Variants in DNAH5 observed in about 807,000 individuals in gnomAD.
DNAH5 encodes the protein dynein axonemal heavy chain 5.
DNAH5 carries 372 observed loss-of-function variants against 518.2 expected under a neutral mutation model. That is an observed-to-expected ratio of 0.72 (90% CI 0.66 to 0.78). The LOEUF is 0.78. Ranked by LOEUF, DNAH5 falls within the 30% of genes least tolerant of loss-of-function variation. DNAH5 has a pLI of 0.00. For synonymous variants in DNAH5, 2,039 were observed against 2,025.9 expected (o/e 1.01, Z -0.17); for missense variants, 5,523 against 5,687.0 (o/e 0.97, Z 0.93).
At chr5:13,746,222 A>C (rs530533734) in intron 65 of DNAH5, among the ~76,000 whole-genome samples, 2 of 152,260 alleles carry the variant, frequency 1.3e-5, no homozygotes, top group African/African-American at 4.8e-5. Context: ...AGAAGCTCTT[A>C]CTAGGACAAT....
rs1777006523 is a variant in DNAH5 at position 13,919,359 on chromosome 5, A to T, written c.799-7T>A. The T allele has an allele frequency of 6.2e-7, 1 of 1,613,294 alleles. No individual in the cohort carries two copies. Among genetic ancestry groups the T allele is most frequent in the Non-Finnish European group, 8.5e-7 (1 of 1,179,726 alleles). ...GATTGTTTTCAGCAAGAACCTGCAA[A>T]TGCGCGGGGAAAAACACGAGCCATT... On this transcript the variant is annotated splice_region_variant and splice_polypyrimidine_tract_variant and intron_variant, in intron 6 of 78. Coordinates refer to ENST00000265104, the MANE Select transcript of DNAH5 (RefSeq NM_001369.3).
In DNAH5 at chr5:13,951,981, T is replaced by C. The variant is rs1044843317; in HGVS notation, c.13-20737A>G. The stretch of plus-strand genomic sequence containing the variant: ...ATCATGTTGTCTTCCTATAGAAAGA[T>C]TTAATGAGAAAAGTGAATCAAATGT... On this transcript the variant is annotated intron_variant, in intron 1 of 78. Transcript: ENST00000681290. 7.2e-5 allele frequency among the ~76,000 whole-genome samples: 11 copies of C among 152,236 alleles called. 1 individual carries two copies. The highest frequency in any genetic ancestry group is 6.5e-4 in the Admixed American group (10 of 15,284).
At chr5:13,792,253 A>G in intron 49 of DNAH5, 36 bp from the exon 50 acceptor site, 1 of 1,552,858 alleles carries the variant, frequency 6.4e-7, no homozygotes. Flanking sequence ...TTGATTAGCC[A>G]TTCAAAGAAA....
intron 60 of DNAH5, among the ~76,000 whole-genome samples, chr5:13,760,171 G>T (rs914486964): frequency 2.6e-5 from 4 of 152,112 alleles, no homozygotes; most frequent in Admixed American, 2.0e-4. Flanking sequence ...GACAAACTTT[G>T]CAAACCCAAA....
At chr5:13,884,921 C>G (rs1772183861) in intron 19 of DNAH5, 68 bp downstream of exon 19, 1 of 1,606,762 alleles carries the variant, frequency 6.2e-7, no homozygotes, top group Non-Finnish European at 8.5e-7. Context: ...CGTGCACACA[C>G]ACACACACAC....
chr5:13,895,796 C>T (rs1484704991), intron 15 of DNAH5, among the ~76,000 whole-genome samples: 2 of 152,152 alleles, frequency 1.3e-5, no homozygotes, highest in African/African-American at 4.8e-5. Flanking sequence ...ACATTTCAAA[C>T]TTAATAAGTC....
At chr5:13,752,645 T>G (rs1580063687) in intron 63 of DNAH5, among the ~76,000 whole-genome samples, 2 of 152,236 alleles carry the variant, frequency 1.3e-5, no homozygotes, top group Admixed American at 1.3e-4. Flanking sequence ...TATCTCATTA[T>G]GTACATGCAA....
intron 60 of DNAH5, among the ~76,000 whole-genome samples, chr5:13,761,197 C>A (rs1751719477): frequency 6.6e-6 from 1 of 152,160 alleles, no homozygotes; most frequent in African/African-American, 2.4e-5. Context: ...CTTATGCAAG[C>A]CTTGTTCAGA....
chr5:13,720,077 G>A (rs145399070), intron 71 of DNAH5, among the ~76,000 whole-genome samples: 173 of 147,802 alleles, frequency 1.2e-3, no homozygotes, highest in African/African-American at 3.9e-3. Context: ...ACTGACTAGA[G>A]CTGCATGAGT....
At chr5:13,949,126 T>C (rs1780164814), upstream of DNAH5, among the ~76,000 whole-genome samples, 1 of 152,096 alleles carries the variant, frequency 6.6e-6, no homozygotes, top group African/African-American at 2.4e-5. Flanking sequence ...GGGTAAAGAA[T>C]CATCATAACT....
intron 65 of DNAH5, among the ~76,000 whole-genome samples, chr5:13,739,426 C>T (rs1236679489): frequency 6.6e-6 from 1 of 152,142 alleles, no homozygotes; most frequent in Admixed American, 6.6e-5. Context: ...TTCTCCTTTG[C>T]CTTCCGCCAT....
chr5:13,803,185 T>G (rs1759048007), intron 47 of DNAH5, among the ~76,000 whole-genome samples: 1 of 152,170 alleles, frequency 6.6e-6, no homozygotes, highest in Admixed American at 6.5e-5. Context: ...TATAATTAAT[T>G]TTAGGTTTTC....
At chr5:13,938,547 TAA>T (rs1491115651) in intron 1 of DNAH5, among the ~76,000 whole-genome samples, 2 of 150,942 alleles carry the variant, frequency 1.3e-5, no homozygotes, top group East Asian at 1.9e-4. Flanking sequence ...TATGTATATA[TAA>T]AAAATGTAAA....
At chr5:13,896,004 T>G (rs76445367) in intron 15 of DNAH5, among the ~76,000 whole-genome samples, 2,277 of 151,498 alleles carry the variant, frequency 0.015, 61 homozygotes, top group African/African-American at 0.051. Flanking sequence ...ATTGGGAGAG[T>G]GAGTGGAAGC....
At chr5:13,978,154 G>A (rs339430) in intron 1 of DNAH5, among the ~76,000 whole-genome samples, 5,042 of 152,274 alleles carry the variant, frequency 0.033, 253 homozygotes, top group African/African-American at 0.11. Context: ...ACCTGCCTCC[G>A]GCCAAGAGAG....
chr5:13,760,212 C>G lies in DNAH5; in HGVS notation c.10282-1229G>C, dbSNP rs566884201. Reference sequence around the variant, plus strand: ...TGAACATTTTCTAGTACTTTACTCACCAATAAATAAATAAATAAAATTTAT... The same window carrying G: ...TGAACATTTTCTAGTACTTTACTCAGCAATAAATAAATAAATAAAATTTAT... On this transcript the variant is annotated intron_variant, in intron 60 of 78. Coordinates refer to ENST00000265104, the MANE Select transcript of DNAH5 (RefSeq NM_001369.3). Among the ~76,000 whole-genome samples, 287 of 152,238 alleles carry G rather than the reference C, an allele frequency of 1.9e-3. 2 individuals are homozygous for G. The highest frequency in any genetic ancestry group is 6.7e-3 in the African/African-American group (280 of 41,526).
intron 1 of DNAH5, among the ~76,000 whole-genome samples, chr5:14,008,985 T>C (rs926009744): frequency 9.2e-5 from 14 of 152,248 alleles, no homozygotes; most frequent in Non-Finnish European, 1.8e-4. Context: ...CCATGTCCTG[T>C]CTCGAAGCTG....
At chr5:13,772,308 C>G (rs1216935706) in intron 55 of DNAH5, among the ~76,000 whole-genome samples, 3 of 152,200 alleles carry the variant, frequency 2.0e-5, no homozygotes, top group Non-Finnish European at 4.4e-5. Flanking sequence ...TTCTTCTTAT[C>G]TGAACAAACA....
chr5:13,859,414 T>C, intron 30 of DNAH5, 38 bp downstream of exon 30: 2 of 1,612,374 alleles, frequency 1.2e-6, no homozygotes, highest in African/African-American at 2.7e-5. Context: ...GAGCTTTCTC[T>C]GAAAAATCTG....
Sources: gnomAD v4.1 joint callset for allele counts (sites outside exome capture counted in the v4.1 genomes callset) on GRCh38, gnomAD v4.1.1 for gene constraint, MANE v1.5 for transcripts, NCBI Gene and HGNC (gene_info 2026-07-23, HGNC 2026-07-21) for gene names.